Variants in CFAP96 observed in about 807,000 individuals in gnomAD.
CFAP96 encodes cilia and flagella associated protein 96.
the CFAP96 span, among the ~76,000 whole-genome samples, chr4:185,417,763 GC>G: frequency 1.3e-5 from 2 of 152,144 alleles, no homozygotes; most frequent in Admixed American, 6.5e-5. Flanking sequence ...AACAGAACCA[GC>G]CGGGCGCGGT....
the CFAP96 span, among the ~76,000 whole-genome samples, chr4:185,439,262 A>C: frequency 2.2e-4 from 33 of 152,166 alleles, no homozygotes; most frequent in Non-Finnish European, 3.5e-4. Flanking sequence ...ACTGTCCAAA[A>C]AGATCAATAG....
At chr4:185,413,031 C>T in the CFAP96 span, among the ~76,000 whole-genome samples, 2 of 152,118 alleles carry the variant, frequency 1.3e-5, no homozygotes, top group African/African-American at 4.8e-5. Flanking sequence ...AGTGGCTGGG[C>T]ATGGTGAATC....
At chr4:185,432,289 T>C in the CFAP96 span, 14 of 998,442 alleles carry the variant, frequency 1.4e-5, no homozygotes, top group Non-Finnish European at 1.9e-5. Context: ...GACTTACTTA[T>C]GTAAGATGAA....
At chr4:185,431,941 A>C in the CFAP96 span, 5 of 1,406,026 alleles carry the variant, frequency 3.6e-6, no homozygotes, top group African/African-American at 7.2e-5. Context: ...TTTAATTGCT[A>C]GTCAGCTCAA....
the CFAP96 span, among the ~76,000 whole-genome samples, chr4:185,434,952 G>A: frequency 6.6e-6 from 1 of 152,014 alleles, no homozygotes; most frequent in Non-Finnish European, 1.5e-5. Context: ...TGTTGGCCAG[G>A]CTGGTCTCAA....
chr4:185,432,009 A>G, the CFAP96 span: 2 of 1,551,630 alleles, frequency 1.3e-6, no homozygotes, highest in South Asian at 2.4e-5. Flanking sequence ...GCAAGCAAAA[A>G]TAAACAGATG....
At chr4:185,438,893 A>G in the CFAP96 span, among the ~76,000 whole-genome samples, 7 of 152,168 alleles carry the variant, frequency 4.6e-5, no homozygotes, top group African/African-American at 1.4e-4. Flanking sequence ...AACCACCACA[A>G]TTCCCAGCTC....
the CFAP96 span, among the ~76,000 whole-genome samples, chr4:185,431,612 C>G: frequency 6.6e-6 from 1 of 152,198 alleles, no homozygotes; most frequent in Non-Finnish European, 1.5e-5. Flanking sequence ...TCTCTTCGAC[C>G]TGCGCACACA....
At chr4:185,440,601 C>T in the CFAP96 span, 1 of 1,536,244 alleles carries the variant, frequency 6.5e-7, no homozygotes, top group Admixed American at 2.0e-5. Flanking sequence ...AATCTTCACC[C>T]AAGGGACTAT....
At chr4:185,415,968 A>T in the CFAP96 span, 1 of 1,014,778 alleles carries the variant, frequency 9.9e-7, no homozygotes, top group Non-Finnish European at 1.4e-6. Flanking sequence ...TATTAAGAAA[A>T]AAATTTAAGA....
chr4:185,432,014 C>T, the CFAP96 span: 1 of 1,551,450 alleles, frequency 6.4e-7, no homozygotes, highest in Non-Finnish European at 8.7e-7. Flanking sequence ...CAAAAATAAA[C>T]AGATGCTACC....
At chr4:185,427,932 CA>C in the CFAP96 span, among the ~76,000 whole-genome samples, 4 of 139,320 alleles carry the variant, frequency 2.9e-5, no homozygotes, top group African/African-American at 1.0e-4. Flanking sequence ...CTAAAAAATA[CA>C]AAGTTAGCTG....
At chr4:185,426,101 C>G in the CFAP96 span, 1 of 586,446 alleles carries the variant, frequency 1.7e-6, no homozygotes, top group South Asian at 2.1e-5. Flanking sequence ...TTAGTTAAGT[C>G]TTTTCTGTCC....
At chr4:185,422,793 G>A in the CFAP96 span, among the ~76,000 whole-genome samples, 1 of 152,194 alleles carries the variant, frequency 6.6e-6, no homozygotes, top group African/African-American at 2.4e-5. Context: ...TGGGGAGCTT[G>A]AAATACTGAG....
chr4:185,440,726 T>A, the CFAP96 span: 1 of 1,211,982 alleles, frequency 8.3e-7, no homozygotes, highest in East Asian at 3.5e-5. Context: ...AAAGGTAAGT[T>A]TACAATTTTA....
At chr4:185,417,024 G>A in the CFAP96 span, among the ~76,000 whole-genome samples, 3 of 152,136 alleles carry the variant, frequency 2.0e-5, no homozygotes, top group African/African-American at 7.2e-5. Flanking sequence ...CTTCCCACAA[G>A]ATACTAATTA....
the CFAP96 span, among the ~76,000 whole-genome samples, chr4:185,424,085 T>A: frequency 6.6e-6 from 1 of 151,688 alleles, no homozygotes; most frequent in African/African-American, 2.4e-5. Context: ...AGGATCACTT[T>A]GAGCCCAGGA....
chr4:185,428,782 C>T, the CFAP96 span, among the ~76,000 whole-genome samples: 1 of 151,834 alleles, frequency 6.6e-6, no homozygotes, highest in Non-Finnish European at 1.5e-5. Context: ...TTGTTCTCTT[C>T]CCCATTCCCT....
the CFAP96 span, chr4:185,436,439 C>A: frequency 1.9e-6 from 2 of 1,049,982 alleles, no homozygotes; most frequent in Non-Finnish European, 2.8e-6. Flanking sequence ...AGGCCGGGCA[C>A]GGTGGCTCAC....
Sources: allele counts gnomAD v4.1 joint callset (sites outside exome capture counted in the v4.1 genomes callset), GRCh38; gene constraint gnomAD v4.1.1; transcripts MANE v1.5; gene names NCBI Gene and HGNC (gene_info 2026-07-23, HGNC 2026-07-21).